The following STRBP variants were observed in gnomAD, a reference collection of about 807,000 sequenced individuals.
STRBP encodes spermatid perinuclear RNA-binding protein.
Under a neutral mutation model 80.1 loss-of-function variants are expected in STRBP, and 13 were observed. That is an observed-to-expected ratio of 0.16 (90% CI 0.11 to 0.26). The LOEUF is 0.26. Among genes scored for constraint, STRBP ranks in the 10% least tolerant of loss-of-function variants. The pLI is 1.00. For missense variants in STRBP, 485 were observed against 815.2 expected (o/e 0.59, Z 4.93); for synonymous variants, 284 against 291.2 (o/e 0.98, Z 0.25).
At chr9:123,151,613 AAAG>A (rs1757608685) in intron 11 of STRBP, among the ~76,000 whole-genome samples, 1 of 152,220 alleles carries the variant, frequency 6.6e-6, no homozygotes, top group South Asian at 2.1e-4. Context: ...GGAATAAAAG[AAAG>A]TAAAAAATAG....
At chr9:123,196,400 C>T (rs1308802852) in intron 2 of STRBP, among the ~76,000 whole-genome samples, 2 of 151,948 alleles carry the variant, frequency 1.3e-5, no homozygotes, top group Non-Finnish European at 2.9e-5. Flanking sequence ...AAAGCTTCTG[C>T]AAAGCAAAGG....
intron 2 of STRBP, among the ~76,000 whole-genome samples, chr9:123,209,503 T>C (rs2039635449): frequency 6.6e-6 from 1 of 152,246 alleles, no homozygotes; most frequent in Admixed American, 6.5e-5. Flanking sequence ...CAATATGTTA[T>C]TTTTGTGATG....
Position 123,233,540 on chromosome 9 carries a change from G to A in STRBP, c.-165+3290C>T, listed in dbSNP as rs547996710. Among the ~76,000 whole-genome samples, 66 of 152,230 alleles carry A rather than the reference G, an allele frequency of 4.3e-4. 1 individual carries two copies. Among genetic ancestry groups the A allele is most frequent in the Non-Finnish European group, 8.5e-4 (58 of 68,042 alleles). Reference sequence around the variant, plus strand: ...TGAAGGTTAAATAGTGGAGTGAATAGATGCATAGATGTAAGATACAGTTAA... The same window carrying A: ...TGAAGGTTAAATAGTGGAGTGAATAAATGCATAGATGTAAGATACAGTTAA... On this transcript the variant is annotated intron_variant, in intron 2 of 18. Coordinates refer to ENST00000348403, the MANE Select transcript of STRBP (RefSeq NM_018387.5).
intron 13 of STRBP, among the ~76,000 whole-genome samples, chr9:123,143,962 C>A (rs2036700077): frequency 6.6e-6 from 1 of 152,068 alleles, no homozygotes; most frequent in African/African-American, 2.4e-5. Flanking sequence ...CTTTGAGGGG[C>A]CGAGGCAGCA....
At chr9:123,263,948 G>A (rs1161950664) in intron 1 of STRBP, among the ~76,000 whole-genome samples, 2 of 152,234 alleles carry the variant, frequency 1.3e-5, no homozygotes, top group Non-Finnish European at 2.9e-5. Flanking sequence ...GGGAGGCCGA[G>A]GCGGGTGGAT....
intron 2 of STRBP, among the ~76,000 whole-genome samples, chr9:123,232,340 G>A (rs1475928757): frequency 2.6e-5 from 4 of 152,084 alleles, no homozygotes; most frequent in South Asian, 4.2e-4. Context: ...AACCTTAGCC[G>A]ACAATTTCTC....
intron 1 of STRBP, among the ~76,000 whole-genome samples, chr9:123,266,230 T>G (rs911632986): frequency 6.6e-5 from 10 of 152,080 alleles, no homozygotes; most frequent in African/African-American, 2.4e-4. Context: ...ACCAATATGC[T>G]AGGATGATAC....
chr9:123,147,635 G>A (rs891254161), intron 12 of STRBP, 143 bp downstream of exon 12: 7 of 600,606 alleles, frequency 1.2e-5, no homozygotes, highest in African/African-American at 2.1e-5. Flanking sequence ...CCGAGATCGC[G>A]CCACTGCACT....
intron 2 of STRBP, among the ~76,000 whole-genome samples, chr9:123,206,620 AT>A (rs943183463): frequency 1.3e-5 from 2 of 151,050 alleles, no homozygotes; most frequent in African/African-American, 2.4e-5. Flanking sequence ...CCATAATAAG[AT>A]TTTTTTTTCT....
At chr9:123,139,956 T>C (rs1196610673) in intron 13 of STRBP, among the ~76,000 whole-genome samples, 1 of 152,182 alleles carries the variant, frequency 6.6e-6, no homozygotes, top group African/African-American at 2.4e-5. Context: ...TCCTAGTTCA[T>C]TTAATTTGGA....
chr9:123,188,096 G>A (rs1202505324), intron 2 of STRBP, among the ~76,000 whole-genome samples: 2 of 152,068 alleles, frequency 1.3e-5, no homozygotes, highest in East Asian at 3.9e-4. Context: ...TTTCAAGAAT[G>A]TCATATAGTT....
At chr9:123,143,050 T>C (rs1224439783) in intron 13 of STRBP, among the ~76,000 whole-genome samples, 1 of 152,152 alleles carries the variant, frequency 6.6e-6, no homozygotes, top group Non-Finnish European at 1.5e-5. Flanking sequence ...GGGCCAAGAA[T>C]GAAAAGAAAA....
At chr9:123,127,674 ACTT>A (rs1156442406) in intron 18 of STRBP, among the ~76,000 whole-genome samples, 1 of 152,200 alleles carries the variant, frequency 6.6e-6, no homozygotes, top group Non-Finnish European at 1.5e-5. Context: ...TGCAGCGAGC[ACTT>A]AAGTAAGACT....
intron 6 of STRBP, among the ~76,000 whole-genome samples, chr9:123,162,923 C>A (rs1425490015): frequency 6.6e-6 from 1 of 152,208 alleles, no homozygotes; most frequent in Non-Finnish European, 1.5e-5. Context: ...GTGGTCAATA[C>A]AAGCATCTGT....
rs577854705 is a variant in STRBP at position 123,136,140 on chromosome 9, A to G, written c.1674T>C (p.Asn558=). 3 of 1,614,196 alleles carry G rather than the reference A, an allele frequency of 1.9e-6. No homozygotes were observed. In the African/African-American group the frequency reaches 4.0e-5, roughly 22 times the overall value. The change falls in exon 16 of 19, where the codon AAT becomes AAC. Residue 558 remains asparagine, a synonymous_variant. Transcript: ENST00000348403. This position sits in a 1 kb window ranked among gnomAD's most constrained non-coding sequence, Gnocchi z 4.2. ...CTGCACTCGCCTTTGCCACTTTCTT[A>G]TTTGGACCTGCGCCTCTGAATTTCT... is the stretch of plus-strand genomic sequence containing the variant. ...DGQKFRGAGP[N]KKVAKASAAL...
At chr9:123,189,140 T>C (rs1284359659) in intron 2 of STRBP, among the ~76,000 whole-genome samples, 1 of 151,824 alleles carries the variant, frequency 6.6e-6, no homozygotes, top group Admixed American at 6.6e-5. Context: ...TAAAAAATGA[T>C]GAGCTCATGT....
chr9:123,208,317 C>T (rs1342059226), intron 2 of STRBP, among the ~76,000 whole-genome samples: 2 of 152,128 alleles, frequency 1.3e-5, no homozygotes, highest in Non-Finnish European at 2.9e-5. Flanking sequence ...TAGGACAGAT[C>T]TATGGAAAGC....
At chr9:123,250,095 A>G (rs2040880516) in intron 1 of STRBP, among the ~76,000 whole-genome samples, 1 of 152,254 alleles carries the variant, frequency 6.6e-6, no homozygotes, top group Admixed American at 6.5e-5. Context: ...TTCTATCAGG[A>G]TACTACCATT....
At chr9:123,226,605 A>G (rs1304513756) in intron 2 of STRBP, among the ~76,000 whole-genome samples, 1 of 152,188 alleles carries the variant, frequency 6.6e-6, no homozygotes, top group East Asian at 1.9e-4. Context: ...GGCCTGCCTC[A>G]GACCCCCACC....
Sources: gnomAD v4.1 joint callset for allele counts (sites outside exome capture counted in the v4.1 genomes callset) on GRCh38, gnomAD v4.1.1 for gene constraint, Gnocchi (gnomAD v3.1) non-coding constraint, MANE v1.5 for transcripts, NCBI Gene and HGNC (gene_info 2026-07-23, HGNC 2026-07-21) for gene names.